The following PLD1 variants were observed in gnomAD, a reference collection of about 807,000 sequenced individuals.
The protein encoded by PLD1 is choline phosphatase 1.
In PLD1, 112 loss-of-function variants were observed where a neutral mutation model predicts 137.1. The observed-to-expected ratio is 0.82, with a 90% confidence interval of 0.70 to 0.96. PLD1 has a LOEUF of 0.96. Among genes scored for constraint, PLD1 ranks in the 40% least tolerant of loss-of-function variants. The pLI, the probability that PLD1 is intolerant of heterozygous loss-of-function variation, is 0.00. For synonymous variants in PLD1, 431 were observed against 454.7 expected (o/e 0.95, Z 0.66); for missense variants, 1,321 against 1,342.0 (o/e 0.98, Z 0.24).
At chr3:171,636,698 T>C (rs2108350962) in intron 23 of PLD1, among the ~76,000 whole-genome samples, 1 of 152,186 alleles carries the variant, frequency 6.6e-6, no homozygotes, top group East Asian at 1.9e-4. Flanking sequence ...TACAAGATCA[T>C]GTCATCTATA....
chr3:171,806,935 T>C (rs1193311039), intron 1 of PLD1, among the ~76,000 whole-genome samples: 1 of 152,210 alleles, frequency 6.6e-6, no homozygotes, highest in Non-Finnish European at 1.5e-5. Context: ...CCTCAAACAG[T>C]AATGTATTAG....
chr3:171,682,865 T>C (rs1466262754), intron 16 of PLD1, among the ~76,000 whole-genome samples: 1 of 152,198 alleles, frequency 6.6e-6, no homozygotes, highest in Non-Finnish European at 1.5e-5. Flanking sequence ...AAGGACCCCA[T>C]GATCCTTTGG....
chr3:171,778,774 T>C (rs1382231948), intron 1 of PLD1, among the ~76,000 whole-genome samples: 1 of 152,246 alleles, frequency 6.6e-6, no homozygotes, highest in Non-Finnish European at 1.5e-5. Flanking sequence ...TGTATGGCTT[T>C]GTAAACCATT....
chr3:171,727,584 G>A (rs1243276831), intron 6 of PLD1, among the ~76,000 whole-genome samples: 3 of 152,130 alleles, frequency 2.0e-5, no homozygotes, highest in African/African-American at 7.2e-5. Context: ...CCCAGCATTA[G>A]GAAGCAGACG....
At chr3:171,692,309 G>T in intron 13 of PLD1, 23 bp downstream of exon 13, 1 of 1,064,970 alleles carries the variant, frequency 9.4e-7, no homozygotes, top group Non-Finnish European at 1.5e-6. Flanking sequence ...AGAAACATTG[G>T]TTATCAAGAT....
At chr3:171,793,048 T>C in intron 1 of PLD1, 1 of 225,546 alleles carries the variant, frequency 4.4e-6, no homozygotes, top group South Asian at 5.8e-5. Context: ...CCAGTGAAAT[T>C]TGCGTGATCT....
At chr3:171,787,597 A>G (rs1723058230) in intron 1 of PLD1, among the ~76,000 whole-genome samples, 2 of 152,148 alleles carry the variant, frequency 1.3e-5, no homozygotes, top group Non-Finnish European at 2.9e-5. Context: ...AACTCATTTG[A>G]ATGTCATCAT....
Position 171,603,154 on chromosome 3 carries a change from T to A in PLD1, c.3149A>T (p.Tyr1050Phe), listed in dbSNP as rs1356128276. 1.9e-6 allele frequency: 3 copies of A among 1,614,052 alleles called. No individual in the cohort carries two copies. ...IRGFLVQFPF[Y>F]FLSEESLLPS... ...CAGTAGGCTTTCTTCAGACAAGAAATAAAAGGGGAATTGCACCAAAAATCC... is the reference window on the plus strand; with the variant it reads ...CAGTAGGCTTTCTTCAGACAAGAAAAAAAAGGGGAATTGCACCAAAAATCC... The change falls in exon 27 of 27, where the codon TAT becomes TTT. Residue 1050 changes from tyrosine to phenylalanine, a missense_variant. Physicochemically the swap from Tyr to Phe is conservative, Grantham distance 22. Coordinates refer to ENST00000351298, the MANE Select transcript of PLD1 (RefSeq NM_002662.5).
At chr3:171,610,689 C>T (rs536607275) in intron 25 of PLD1, among the ~76,000 whole-genome samples, 2 of 152,216 alleles carry the variant, frequency 1.3e-5, no homozygotes, top group African/African-American at 2.4e-5. Flanking sequence ...TTATGTATGC[C>T]GCAGTAGGCA....
intron 1 of PLD1, 77 bp from the exon 2 acceptor site, chr3:171,738,159 C>A: frequency 1.2e-6 from 1 of 821,946 alleles, no homozygotes; most frequent in South Asian, 1.9e-5. Context: ...TGAATCCAGA[C>A]TTAGATACAG....
At chr3:171,762,278 C>T (rs1721452811) in intron 1 of PLD1, among the ~76,000 whole-genome samples, 1 of 152,156 alleles carries the variant, frequency 6.6e-6, no homozygotes, top group Admixed American at 6.5e-5. Flanking sequence ...CTTCTTCAGC[C>T]CTCAGTTAAT....
intron 1 of PLD1, among the ~76,000 whole-genome samples, chr3:171,773,571 C>T (rs775677569): frequency 1.6e-4 from 24 of 152,164 alleles, no homozygotes; most frequent in Non-Finnish European, 3.1e-4. Context: ...CATTGCACTC[C>T]AGCCTGGGCA....
chr3:171,682,327 G>A (rs748640736), intron 16 of PLD1, among the ~76,000 whole-genome samples: 1 of 152,062 alleles, frequency 6.6e-6, no homozygotes. Flanking sequence ...TCCTAACCAC[G>A]TTTTTAGTGC....
chr3:171,715,064 T>C (rs984633221), intron 8 of PLD1, among the ~76,000 whole-genome samples: 3 of 152,162 alleles, frequency 2.0e-5, no homozygotes, highest in African/African-American at 7.2e-5. Flanking sequence ...CTGAACAACA[T>C]AATGAATAAT....
At chr3:171,711,019 C>A (rs6774359) in intron 9 of PLD1, among the ~76,000 whole-genome samples, 53,973 of 148,406 alleles carry the variant, frequency 0.36, 10,812 homozygotes, top group African/African-American at 0.52. Flanking sequence ...GATTACAGGC[C>A]TGCACCTCCA....
In PLD1 at chr3:171,605,342, A is replaced by G. The variant is rs772497772; in HGVS notation, c.2957T>C (p.Val986Ala). 7.4e-6 allele frequency: 12 copies of G among 1,613,408 alleles called. No individual in the cohort carries two copies. The highest frequency in any genetic ancestry group is 2.2e-5 in the East Asian group (1 of 44,866). The change falls in exon 26 of 27, where the codon GTG (valine) becomes GCG (alanine). Residue 986 changes from valine to alanine, a missense_variant. Physicochemically the swap from Val to Ala is moderately conservative, Grantham distance 64. Transcript: ENST00000351298. ...DPVSDKFFKE[V>A]WVSTAARNAT... Reference sequence around the variant, plus strand: ...ATTTCGAGCTGCTGTTGAAACCCACACCTCCTTGAAGAATTTGTCACTCAC... The same window carrying G: ...ATTTCGAGCTGCTGTTGAAACCCACGCCTCCTTGAAGAATTTGTCACTCAC...
At chr3:171,794,830 T>A (rs1471208333) in intron 1 of PLD1, among the ~76,000 whole-genome samples, 1 of 152,198 alleles carries the variant, frequency 6.6e-6, no homozygotes, top group African/African-American at 2.4e-5. Flanking sequence ...ATTGTAACCA[T>A]GACTAGGCTA....
At chr3:171,703,878 A>G (rs931759202) in intron 11 of PLD1, among the ~76,000 whole-genome samples, 3 of 152,198 alleles carry the variant, frequency 2.0e-5, no homozygotes, top group African/African-American at 7.2e-5. Flanking sequence ...TGGAAAGCCC[A>G]AAGTTACTAA....
In PLD1 at chr3:171,735,577, T is replaced by C. The variant is rs769034047; in HGVS notation, c.349A>G (p.Lys117Glu). The C allele has an allele frequency of 3.1e-6, 5 of 1,589,966 alleles. No homozygotes were observed. Among genetic ancestry groups the C allele is most frequent in the Admixed American group, 1.7e-5 (1 of 59,962 alleles). The change falls in exon 4 of 27, where the codon AAG (lysine) becomes GAG (glutamate). Residue 117 changes from lysine to glutamate, a missense_variant. Transcript: ENST00000351298. ...TCTTGAAAATGCTTGAATTTCCTCTTAACTTGCCATTTAAATTCCCCATGT... is the reference window on the plus strand; with the variant it reads ...TCTTGAAAATGCTTGAATTTCCTCTCAACTTGCCATTTAAATTCCCCATGT... ...LTHGEFKWQV[K>E]RKFKHFQEFH... is the part of the protein sequence containing the mutation.
Sources: gnomAD v4.1 joint callset for allele counts (sites outside exome capture counted in the v4.1 genomes callset) on GRCh38, gnomAD v4.1.1 for gene constraint, MANE v1.5 for transcripts, NCBI Gene and HGNC (gene_info 2026-07-23, HGNC 2026-07-21) for gene names.